Variants in FAM180A observed in about 807,000 individuals in gnomAD.
FAM180A encodes protein FAM180A.
A neutral mutation model predicts 15.3 loss-of-function variants in FAM180A; 14 were observed. The observed-to-expected ratio is 0.92, with a 90% CI of 0.61 to 1.43. FAM180A has a LOEUF of 1.43. Among genes scored for constraint, FAM180A ranks in the 40% most tolerant of loss-of-function variants. The probability of loss-of-function intolerance (pLI) is 0.00; values close to 1 mark genes in which losing one functional copy is unlikely to be tolerated. For synonymous variants in FAM180A, 90 were observed against 96.8 expected, an observed-to-expected ratio of 0.93 and a Z score of 0.41; for missense variants, 200 against 220.8, an observed-to-expected ratio of 0.91 and a Z score of 0.60.
intron 1 of FAM180A, among the ~76,000 whole-genome samples, chr7:135,745,134 C>T (rs748369976): frequency 2.6e-5 from 4 of 151,966 alleles, no homozygotes; most frequent in South Asian, 2.1e-4. Flanking sequence ...GAATTATAGG[C>T]GTGCACCACC....
At chr7:135,733,220 A>C (rs1796813763) in intron 3 of FAM180A, among the ~76,000 whole-genome samples, 1 of 152,210 alleles carries the variant, frequency 6.6e-6, no homozygotes, top group South Asian at 2.1e-4. Context: ...CTTTATATTT[A>C]CTGTAGAACC....
At position 135,748,741 on chromosome 7, in the gene FAM180A, C is replaced by T; in HGVS notation, c.-161G>A. Reference sequence around the variant, plus strand: ...CTACTCTGCCTCAGAAGGCTGGAGGCTGAAGGCTGCGTCCTGGGTGGGACA... The same window carrying T: ...CTACTCTGCCTCAGAAGGCTGGAGGTTGAAGGCTGCGTCCTGGGTGGGACA... On this transcript the variant is annotated 5_prime_UTR_variant, in exon 1 of 4. Coordinates refer to ENST00000338588, the MANE Select transcript of FAM180A (RefSeq NM_205855.4). 1 of 651,816 alleles carries T rather than the reference C, an allele frequency of 1.5e-6. No homozygotes were observed. The highest frequency in any genetic ancestry group is 2.6e-5 in the East Asian group (1 of 37,816). 40.4% of individuals were successfully genotyped at this position (651,816 alleles called of 1,614,324 possible).
chr7:135,731,474 A>G (rs1167450068), intron 3 of FAM180A, among the ~76,000 whole-genome samples: 2 of 152,002 alleles, frequency 1.3e-5, no homozygotes, highest in Non-Finnish European at 2.9e-5. Flanking sequence ...GATGCATCAA[A>G]AAACAGATAC....
At position 135,730,245 on chromosome 7, in the gene FAM180A, A is replaced by C; in HGVS notation, c.*366T>G. 1.5e-5 allele frequency: 15 copies of C among 985,380 alleles called. No individual in the cohort carries two copies. Among genetic ancestry groups the C allele is most frequent in the Non-Finnish European group, 1.7e-5 (14 of 829,928 alleles). 61.0% of individuals were successfully genotyped at this position (985,380 alleles called of 1,614,324 possible). On this transcript the variant is annotated 3_prime_UTR_variant, in exon 4 of 4. Transcript: ENST00000338588. ...TGCCAACGATGGAGGAAACTTAGAAAGTTTTTAGATCCTGGGCCAGGCACG... is the reference window on the plus strand; with the variant it reads ...TGCCAACGATGGAGGAAACTTAGAACGTTTTTAGATCCTGGGCCAGGCACG...
rs762118136 is a variant in FAM180A at position 135,734,227 on chromosome 7, G to A, written c.270C>T (p.Arg90=). 1.9e-6 allele frequency: 3 copies of A among 1,614,110 alleles called. No homozygotes were observed. The highest frequency in any genetic ancestry group is 2.5e-6 in the Non-Finnish European group (3 of 1,180,034). Residue 90 remains arginine, a synonymous_variant, in exon 3 of 4, where the codon CGC becomes CGT. Transcript: ENST00000338588. The part of the protein sequence containing the change: ...LASLRKASDF[R]TVCNNVIPKS... ...TGGGGATGACGTTGTTGCAGACGGTGCGGAAGTCTGAGGCCTTCCGCAAGG... is the reference window on the plus strand; with the variant it reads ...TGGGGATGACGTTGTTGCAGACGGTACGGAAGTCTGAGGCCTTCCGCAAGG...
chr7:135,731,762 C>G (rs1265063260), intron 3 of FAM180A, among the ~76,000 whole-genome samples: 2 of 152,136 alleles, frequency 1.3e-5, no homozygotes, highest in Non-Finnish European at 2.9e-5. Flanking sequence ...TGATGAATAC[C>G]TTCTTCCAGT....
chr7:135,741,652 A>T (rs904573468), intron 1 of FAM180A, among the ~76,000 whole-genome samples: 1 of 151,904 alleles, frequency 6.6e-6, no homozygotes, highest in South Asian at 2.1e-4. Flanking sequence ...AGTGAGACCC[A>T]TCTCTACTAA....
intron 1 of FAM180A, among the ~76,000 whole-genome samples, chr7:135,746,124 C>T (rs901857459): frequency 2.6e-5 from 4 of 152,148 alleles, no homozygotes; most frequent in Middle Eastern, 3.4e-3. Flanking sequence ...ACGTCACATC[C>T]GCTGCCTCAT....
intron 2 of FAM180A, among the ~76,000 whole-genome samples, chr7:135,736,535 A>G (rs138182862): frequency 1.1e-4 from 16 of 152,236 alleles, no homozygotes; most frequent in African/African-American, 3.9e-4. Flanking sequence ...CTGGGATCAT[A>G]ACACTGAACC....
At chr7:135,739,489 G>A (rs1425885876) in intron 1 of FAM180A, among the ~76,000 whole-genome samples, 2 of 151,402 alleles carry the variant, frequency 1.3e-5, no homozygotes, top group African/African-American at 2.4e-5. Context: ...GCAGGCGCCC[G>A]TAGTCCCAGC....
At chr7:135,736,223 G>T (rs144059485) in intron 2 of FAM180A, among the ~76,000 whole-genome samples, 1 of 150,906 alleles carries the variant, frequency 6.6e-6, no homozygotes, top group Admixed American at 6.6e-5. Flanking sequence ...GGGTTTCACC[G>T]TGTTGGCCAG....
At chr7:135,737,247 C>A (rs1465043385) in intron 1 of FAM180A, 48 bp from the exon 2 acceptor site, 4 of 1,395,680 alleles carry the variant, frequency 2.9e-6, no homozygotes, top group Non-Finnish European at 3.9e-6. Flanking sequence ...TGCGCCCAGA[C>A]CTTCTCCCTC....
intron 1 of FAM180A, among the ~76,000 whole-genome samples, chr7:135,742,913 T>TA (rs763678544): frequency 1.6e-4 from 25 of 152,310 alleles, no homozygotes; most frequent in Non-Finnish European, 3.1e-4. Context: ...GGGCTGGGAT[T>TA]AAAATCCAGA....
At chr7:135,733,439 TG>T in intron 3 of FAM180A, 1 of 156,216 alleles carries the variant, frequency 6.4e-6, no homozygotes, top group Non-Finnish European at 1.4e-5. Flanking sequence ...CTCTACCTCC[TG>T]GGTTCAGCTG....
chr7:135,742,614 G>A (rs548294457), intron 1 of FAM180A, among the ~76,000 whole-genome samples: 2 of 152,312 alleles, frequency 1.3e-5, no homozygotes, highest in South Asian at 4.1e-4. Context: ...ACTTGCTAAA[G>A]GTCATGCCAC....
At chr7:135,739,290 G>A (rs1286079609) in intron 1 of FAM180A, among the ~76,000 whole-genome samples, 6 of 115,152 alleles carry the variant, frequency 5.2e-5, no homozygotes, top group Admixed American at 1.1e-4. Flanking sequence ...CCAGCCTGGC[G>A]ACAGAGTGAG....
intron 1 of FAM180A, among the ~76,000 whole-genome samples, chr7:135,743,436 C>T (rs1171669187): frequency 2.0e-5 from 3 of 152,110 alleles, no homozygotes; most frequent in Non-Finnish European, 2.9e-5. Context: ...AGGCTGGTCT[C>T]GAACTCCTGG....
chr7:135,736,570 A>T (rs1796875954), intron 2 of FAM180A, among the ~76,000 whole-genome samples: 1 of 152,164 alleles, frequency 6.6e-6, no homozygotes, highest in Non-Finnish European at 1.5e-5. Context: ...CGGGAAATTG[A>T]CCCTGTGGTT....
intron 1 of FAM180A, 140 bp from the exon 2 acceptor site, chr7:135,737,339 CCCTTTGGGAGGCCGAGGCGGGCGGAT>C: frequency 1.6e-6 from 1 of 636,602 alleles, no homozygotes; most frequent in South Asian, 2.1e-5. Context: ...CTAATTCCAG[CCCTTTGGGAGGCCGAGGCGGGCGGAT>C]CACCTGAAGT....
Sources: gnomAD v4.1 joint callset for allele counts (sites outside exome capture counted in the v4.1 genomes callset) on GRCh38, gnomAD v4.1.1 for gene constraint, MANE v1.5 for transcripts, NCBI Gene and HGNC (gene_info 2026-07-23, HGNC 2026-07-21) for gene names.